The following AGO2 variants were observed in gnomAD, a reference collection of about 807,000 sequenced individuals.
AGO2 encodes protein argonaute-2.
Under a neutral mutation model 102.3 loss-of-function variants are expected in AGO2, and 5 were observed. That is an observed-to-expected ratio of 0.05 (90% CI 0.03 to 0.10). The LOEUF is 0.10. AGO2 is among the 10% of genes least tolerant of loss of function. AGO2 has a pLI of 1.00. For synonymous variants in AGO2, 449 were observed against 473.1 expected, an observed-to-expected ratio of 0.95 and a Z score of 0.66; for missense variants, 541 against 1,183.7, an observed-to-expected ratio of 0.46 and a Z score of 7.97.
Position 140,524,034 on chromosome 8 carries a change from C to G in AGO2, c.*8010G>C, listed in dbSNP as rs1345103961. On this transcript the variant is annotated 3_prime_UTR_variant, in exon 19 of 19. Coordinates refer to ENST00000220592, the MANE Select transcript of AGO2 (RefSeq NM_012154.5). The stretch of plus-strand genomic sequence containing the variant: ...TTGAAAAAGCTAGAGATAAAAACTG[C>G]CTGTTAGGTTAAGTCAAAACTGGTG... The G allele has an allele frequency of 6.6e-6, 1 of 152,220 alleles. No individual in the cohort carries two copies. The highest frequency in any genetic ancestry group is 1.5e-5 in the Non-Finnish European group (1 of 68,056). 9.4% of individuals were successfully genotyped at this position (152,220 alleles called of 1,614,324 possible). A position where few individuals can be genotyped will look rare whatever the true frequency, so the allele number is the denominator to read the frequency against.
rs568380561 is a variant in AGO2 at position 140,531,271 on chromosome 8, G to C, written c.*773C>G. 6.6e-5 allele frequency: 10 copies of C among 152,616 alleles called. No individual in the cohort carries two copies. The highest frequency in any genetic ancestry group is 1.3e-4 in the Non-Finnish European group (9 of 68,052). 9.5% of individuals were successfully genotyped at this position (152,616 alleles called of 1,614,324 possible). On this transcript the variant is annotated 3_prime_UTR_variant, in exon 19 of 19. Transcript: ENST00000220592. ...AGACCCGTATTCTTTAAAAACTTTG[G>C]AAAATAAATGTCACAGTCCTATAGG...
rs1251736876 is a variant in AGO2 at position 140,526,183 on chromosome 8, TAC to T, written c.*5859_*5860del. ...CGGTGTTGAAGCACCTTTGTGATTTTACAGAGTGTATAAAAGAGAGGAGAGGA... is the reference window on the plus strand; with the variant it reads ...CGGTGTTGAAGCACCTTTGTGATTTTAGAGTGTATAAAAGAGAGGAGAGGA... On this transcript the variant is annotated 3_prime_UTR_variant, in exon 19 of 19. Coordinates refer to ENST00000220592, the MANE Select transcript of AGO2 (RefSeq NM_012154.5). The surrounding 1 kb of genome is among the most constrained non-coding windows in gnomAD (Gnocchi z 5.2). 3.3e-5 allele frequency: 5 copies of T among 152,232 alleles called. No homozygotes were observed. The highest frequency in any genetic ancestry group is 6.5e-5 in the Admixed American group (1 of 15,274). 9.4% of individuals were successfully genotyped at this position (152,232 alleles called of 1,614,324 possible).
At chr8:140,564,427 T>C (rs2073248645) in intron 3 of AGO2, among the ~76,000 whole-genome samples, 1 of 152,190 alleles carries the variant, frequency 6.6e-6, no homozygotes, top group South Asian at 2.1e-4. Context: ...TAGCTGGCCC[T>C]TGCACAACAT....
chr8:140,544,096 G>T, intron 14 of AGO2, 117 bp downstream of exon 14: 1 of 1,143,908 alleles, frequency 8.7e-7, no homozygotes, highest in Non-Finnish European at 1.2e-6. Flanking sequence ...CCCTACCGCA[G>T]CTTAGTGAGA....
chr8:140,638,362 T>TTTA (rs1491415766), upstream of AGO2: 1 of 152,196 alleles, frequency 6.6e-6, no homozygotes, highest in African/African-American at 2.4e-5. Flanking sequence ...GATAAATAAG[T>TTTA]TTATTGTCTG....
rs533347672 is a variant in AGO2 at position 140,564,722 on chromosome 8, C to T, written c.337-2088G>A. Among the ~76,000 whole-genome samples the T allele has an allele frequency of 6.8e-4, 104 of 152,252 alleles. 1 individual carries two copies. The highest frequency in any genetic ancestry group is 2.5e-3 in the African/African-American group (102 of 41,542). On this transcript the variant is annotated intron_variant, in intron 3 of 18. Coordinates refer to ENST00000220592, the MANE Select transcript of AGO2 (RefSeq NM_012154.5). The stretch of plus-strand genomic sequence containing the variant: ...CTTTGGGAGGCTGAGGCAGATGGAT[C>T]ACCTAAGGTCAGGAGTTCAAGACCA...
At chr8:140,584,549 G>A (rs1335164234) in intron 2 of AGO2, among the ~76,000 whole-genome samples, 1 of 152,202 alleles carries the variant, frequency 6.6e-6, no homozygotes, top group Non-Finnish European at 1.5e-5. Flanking sequence ...GTTCACAGCA[G>A]TCTTATTCAT....
rs1163103657 is a variant in AGO2 at position 140,589,913 on chromosome 8, T to C, written c.23-4602A>G. Among the ~76,000 whole-genome samples, 2 of 152,170 alleles carry C rather than the reference T, an allele frequency of 1.3e-5. No homozygotes were observed. Among genetic ancestry groups the C allele is most frequent in the African/African-American group, 4.8e-5 (2 of 41,438 alleles). ...GGACACGAGGGTGACAACTCACCTG[T>C]TGTCTACACAAGCAAGCCTCCCTTA... On this transcript the variant is annotated intron_variant, in intron 1 of 18. Coordinates refer to ENST00000220592, the MANE Select transcript of AGO2 (RefSeq NM_012154.5). The surrounding 1 kb of genome is among the most constrained non-coding windows in gnomAD (Gnocchi z 4.2).
intron 11 of AGO2, among the ~76,000 whole-genome samples, chr8:140,550,670 G>A (rs887494030): frequency 2.6e-5 from 4 of 152,178 alleles, no homozygotes; most frequent in African/African-American, 9.7e-5. Context: ...AGGGTGGAGT[G>A]CAATGGTGTG....
At chr8:140,604,148 C>T (rs954588030) in intron 1 of AGO2, among the ~76,000 whole-genome samples, 1 of 152,216 alleles carries the variant, frequency 6.6e-6, no homozygotes, top group African/African-American at 2.4e-5. Context: ...GGCCACAAGA[C>T]CTTGAGGCGC....
In AGO2 at chr8:140,544,285, C is replaced by T. The variant is rs767236270; in HGVS notation, c.1767G>A (p.Gln589=). The T allele has an allele frequency of 1.2e-6, 2 of 1,603,226 alleles. No individual in the cohort carries two copies. The highest frequency in any genetic ancestry group is 3.4e-5 in the Admixed American group (2 of 58,288). The part of the protein sequence containing the change: ...LPQGRPPVFQ[Q]PVIFLGADVT... ...CGTCTGCTCCCAGAAAGATGACGGG[C>T]TGCTGGAACACCGGCGGCCTGCGGA... The change falls in exon 14 of 19, where the codon CAG becomes CAA. Residue 589 remains glutamine (Q), a synonymous_variant. Transcript: ENST00000220592.
rs572577088 is a variant in AGO2, at chr8:140,582,629, A to C, written c.215+2490T>G. ...AGACCCTTACCTCACAACATACATAAAAATTAATTCAAGATGGATCGTGGA... is the reference window on the plus strand; with the variant it reads ...AGACCCTTACCTCACAACATACATACAAATTAATTCAAGATGGATCGTGGA... On this transcript the variant is annotated intron_variant, in intron 2 of 18. Transcript: ENST00000220592. 9.8e-5 allele frequency among the ~76,000 whole-genome samples: 15 copies of C among 152,368 alleles called. 1 individual carries two copies. The South Asian group carries it at 2.7e-3, about 27-fold the overall frequency.
chr8:140,595,948 T>TA (rs1282490348), intron 1 of AGO2, among the ~76,000 whole-genome samples: 25 of 53,070 alleles, frequency 4.7e-4, no homozygotes, highest in Non-Finnish European at 1.6e-4. Flanking sequence ...AATATATATT[T>TA]TATATATAAT....
intron 3 of AGO2, among the ~76,000 whole-genome samples, chr8:140,566,623 G>GT (rs1564090939): frequency 1.3e-4 from 20 of 150,760 alleles, no homozygotes; most frequent in African/African-American, 4.6e-4. Flanking sequence ...TTTTTTGGGG[G>GT]GGGGGAAGGT....
chr8:140,589,406 G>C lies in AGO2; in HGVS notation c.23-4095C>G, dbSNP rs2073714013. On this transcript the variant is annotated intron_variant, in intron 1 of 18. Transcript: ENST00000220592. This position sits in a 1 kb window ranked among gnomAD's most constrained non-coding sequence, Gnocchi z 4.2. ...CATAGGCTGCGCAGCTGCCACCTGA[G>C]CTTGGGTGGCAGCCTCGCTGTGAGG... Among the ~76,000 whole-genome samples the C allele has an allele frequency of 6.6e-6, 1 of 151,876 alleles. No homozygotes were observed. The highest frequency in any genetic ancestry group is 2.1e-4 in the South Asian group (1 of 4,820).
chr8:140,634,969 C>A (rs1040011859), intron 1 of AGO2, among the ~76,000 whole-genome samples: 7 of 151,922 alleles, frequency 4.6e-5, no homozygotes, highest in Non-Finnish European at 8.8e-5. Flanking sequence ...GCAGCCCCCT[C>A]CCCTCCCGCC....
intron 16 of AGO2, among the ~76,000 whole-genome samples, chr8:140,538,547 C>T (rs993427020): frequency 6.6e-6 from 1 of 152,202 alleles, no homozygotes; most frequent in Non-Finnish European, 1.5e-5. Context: ...CTCCTCATTC[C>T]CCTTCCGGAA....
chr8:140,551,671 T>G, intron 10 of AGO2, among the ~76,000 whole-genome samples: 1 of 149,278 alleles, frequency 6.7e-6, no homozygotes, highest in East Asian at 2.0e-4. Flanking sequence ...GGGTGGATGG[T>G]TGATGGGTGG....
chr8:140,578,523 C>T (rs2073501857), intron 2 of AGO2, among the ~76,000 whole-genome samples: 1 of 152,194 alleles, frequency 6.6e-6, no homozygotes, highest in Non-Finnish European at 1.5e-5. Context: ...TTCGAGCCGG[C>T]GCAGGCACTG....
Sources: allele counts gnomAD v4.1 joint callset (sites outside exome capture counted in the v4.1 genomes callset), GRCh38; gene constraint gnomAD v4.1.1; non-coding constraint Gnocchi (gnomAD v3.1); transcripts MANE v1.5; gene names NCBI Gene and HGNC (gene_info 2026-07-23, HGNC 2026-07-21).